Variants in SLC39A14 observed in about 807,000 individuals in gnomAD.
SLC39A14 encodes the protein metal cation symporter ZIP14.
A neutral mutation model predicts 45.5 loss-of-function variants in SLC39A14; 19 were observed. The ratio of observed to expected loss-of-function variants is 0.42; its 90% CI spans 0.29 to 0.61. The LOEUF (loss-of-function observed/expected upper bound fraction) is 0.61, where lower values mean the gene tolerates loss of function less well. SLC39A14 is among the 20% of genes least tolerant of loss of function. The pLI, the probability that SLC39A14 is intolerant of heterozygous loss-of-function variation, is 0.22. For missense variants in SLC39A14, 447 were observed against 616.5 expected, an observed-to-expected ratio of 0.73 and a Z score of 2.91; for synonymous variants, 264 against 251.3, an observed-to-expected ratio of 1.05 and a Z score of -0.48.
At chr8:22,425,481 T>C (rs1053877926), downstream of SLC39A14, among the ~76,000 whole-genome samples, 2 of 152,024 alleles carry the variant, frequency 1.3e-5, no homozygotes, top group South Asian at 4.1e-4. Context: ...GTGGACGTAG[T>C]GTTTTTGATG....
At position 22,421,231 on chromosome 8, in the gene SLC39A14, A is replaced by G; in HGVS notation, c.*1533A>G. ...CTGACAGGAGTACTGGTTCACTACC[A>G]ATGCCTGAGCTTTTCTCTTACATAG... On this transcript the variant is annotated 3_prime_UTR_variant, in exon 9 of 9. Transcript: ENST00000381237. The G allele has an allele frequency of 1.0e-6, 1 of 985,846 alleles. No homozygotes were observed. Among genetic ancestry groups the G allele is most frequent in the Middle Eastern group, 5.2e-4 (1 of 1,914 alleles). 61.1% of individuals were successfully genotyped at this position (985,846 alleles called of 1,614,324 possible).
At chr8:22,402,663 G>T (rs1834943851) in intron 1 of SLC39A14, among the ~76,000 whole-genome samples, 1 of 151,500 alleles carries the variant, frequency 6.6e-6, no homozygotes, top group African/African-American at 2.4e-5. Flanking sequence ...CAGCTACTTG[G>T]GAGGCTGAGG....
At chr8:22,430,026 C>T (rs1193252332) in intron 8 of SLC39A14, among the ~76,000 whole-genome samples, 2 of 152,214 alleles carry the variant, frequency 1.3e-5, no homozygotes, top group East Asian at 1.9e-4. Flanking sequence ...TATGTGTAAA[C>T]AGCAGAAACA....
At chr8:22,391,706 G>A (rs6994140) in intron 1 of SLC39A14, among the ~76,000 whole-genome samples, 25,104 of 151,918 alleles carry the variant, frequency 0.17, 2,257 homozygotes, top group African/African-American at 0.24. Flanking sequence ...AGTAGCTGGG[G>A]TTACAGGTAC....
At chr8:22,416,006 G>A in intron 6 of SLC39A14, 49 bp downstream of exon 6, 1 of 1,605,584 alleles carries the variant, frequency 6.2e-7, no homozygotes, top group Non-Finnish European at 8.5e-7. Flanking sequence ...GGTTGACTCA[G>A]GCTTACCTTG....
chr8:22,412,259 G>A, intron 4 of SLC39A14, 53 bp downstream of exon 4: 2 of 1,531,914 alleles, frequency 1.3e-6, no homozygotes, highest in Non-Finnish European at 1.8e-6. Context: ...CACAGTGGGA[G>A]GACCTCCGTT....
chr8:22,432,834 T>G (rs1465065584), intron 8 of SLC39A14, among the ~76,000 whole-genome samples: 1 of 137,160 alleles, frequency 7.3e-6, no homozygotes, highest in African/African-American at 3.2e-5. Flanking sequence ...TTTTTTTTTT[T>G]GTAGAGATGG....
At chr8:22,376,783 C>T (rs1461423995) in intron 1 of SLC39A14, among the ~76,000 whole-genome samples, 1 of 152,008 alleles carries the variant, frequency 6.6e-6, no homozygotes, top group Admixed American at 6.6e-5. Flanking sequence ...GAGGCTGAGA[C>T]AGGAGAATCG....
intron 8 of SLC39A14, among the ~76,000 whole-genome samples, chr8:22,431,255 G>A (rs1836462632): frequency 6.6e-6 from 1 of 152,146 alleles, no homozygotes; most frequent in South Asian, 2.1e-4. Flanking sequence ...CCAAAGTGCT[G>A]GGATTACAGA....
At position 22,393,450 on chromosome 8, in the gene SLC39A14, T is replaced by G. The variant is rs560409805; in HGVS notation, c.-15-11246T>G. On this transcript the variant is annotated intron_variant, in intron 1 of 8. Coordinates refer to ENST00000381237, the MANE Select transcript of SLC39A14 (RefSeq NM_001128431.4). ...TGGGGTGGGCCATGGGCTGGATGGT[T>G]TTTCTCAAAGCTCTTTCTACCCCCA... Among the ~76,000 whole-genome samples the G allele has an allele frequency of 2.9e-4, 44 of 152,176 alleles. No homozygotes were observed. The South Asian group carries it at 8.3e-3, about 29-fold the overall frequency.
intron 1 of SLC39A14, among the ~76,000 whole-genome samples, chr8:22,394,971 C>T (rs1834301673): frequency 6.6e-6 from 1 of 151,530 alleles, no homozygotes; most frequent in Non-Finnish European, 1.5e-5. Flanking sequence ...AATTTTTTCC[C>T]GTTTGAAAGA....
At chr8:22,374,832 C>G (rs952459345) in intron 1 of SLC39A14, among the ~76,000 whole-genome samples, 2 of 150,638 alleles carry the variant, frequency 1.3e-5, no homozygotes, top group Non-Finnish European at 3.0e-5. Flanking sequence ...CTGAAACCTC[C>G]CCTCCTGAGC....
intron 3 of SLC39A14, among the ~76,000 whole-genome samples, chr8:22,411,638 G>C (rs920689270): frequency 6.6e-6 from 1 of 152,190 alleles, no homozygotes; most frequent in African/African-American, 2.4e-5. Flanking sequence ...AGTCTGTCCT[G>C]GACAGCCTCT....
intron 1 of SLC39A14, among the ~76,000 whole-genome samples, chr8:22,403,705 G>T (rs1474552424): frequency 6.6e-6 from 1 of 151,646 alleles, no homozygotes; most frequent in African/African-American, 2.4e-5. Context: ...GATCACTTGA[G>T]CCCAGGAGTT....
intron 8 of SLC39A14, among the ~76,000 whole-genome samples, chr8:22,428,641 C>A (rs926923500): frequency 1.3e-5 from 2 of 151,726 alleles, no homozygotes; most frequent in Admixed American, 1.3e-4. Flanking sequence ...CAGGGTTTCA[C>A]CATGTTGGCC....
chr8:22,381,265 C>T (rs1833494034), intron 1 of SLC39A14, among the ~76,000 whole-genome samples: 1 of 151,870 alleles, frequency 6.6e-6, no homozygotes, highest in Non-Finnish European at 1.5e-5. Context: ...AGCCACCGCG[C>T]CCAGCCCTAC....
chr8:22,408,522 C>T (rs1302150068), intron 3 of SLC39A14, 26 bp downstream of exon 3: 1 of 1,593,914 alleles, frequency 6.3e-7, no homozygotes, highest in Non-Finnish European at 8.6e-7. Context: ...AAGGCAGGAG[C>T]CCATCTCCCA....
At chr8:22,387,868 T>C (rs1833870055) in intron 1 of SLC39A14, among the ~76,000 whole-genome samples, 1 of 152,184 alleles carries the variant, frequency 6.6e-6, no homozygotes, top group Non-Finnish European at 1.5e-5. Flanking sequence ...GAGGCCAAGG[T>C]GGGCAGATCA....
In SLC39A14 at chr8:22,429,431, T is replaced by C. The variant is rs1433602648; in HGVS notation, c.1333-4460T>C. 2.0e-5 allele frequency among the ~76,000 whole-genome samples: 3 copies of C among 152,342 alleles called. No individual in the cohort carries two copies. The East Asian group carries it at 5.8e-4, about 29-fold the overall frequency. On this transcript the variant is annotated intron_variant, in intron 8 of 8. Transcript: ENST00000240095. ...AAATTATAATTTTATACTGCCTACC[T>C]TATAAGGTAGGTATAAGTATAATGA...
Sources: allele counts gnomAD v4.1 joint callset (sites outside exome capture counted in the v4.1 genomes callset), GRCh38; gene constraint gnomAD v4.1.1; transcripts MANE v1.5; gene names NCBI Gene and HGNC (gene_info 2026-07-23, HGNC 2026-07-21).